Variants in ME2 observed in about 807,000 individuals in gnomAD.
ME2 encodes NAD-dependent malic enzyme, mitochondrial.
In ME2, 60 loss-of-function variants were observed where a neutral mutation model predicts 73.7. The observed-to-expected ratio is 0.81, with a 90% CI of 0.66 to 1.01. The LOEUF is 1.01. ME2 is among the 50% of genes least tolerant of loss of function. The probability of loss-of-function intolerance (pLI) is 0.00; values close to 1 mark genes in which losing one functional copy is unlikely to be tolerated. For synonymous variants in ME2, 199 were observed against 236.9 expected, an observed-to-expected ratio of 0.84 and a Z score of 1.47; for missense variants, 594 against 705.5, an observed-to-expected ratio of 0.84 and a Z score of 1.79.
intron 1 of ME2, among the ~76,000 whole-genome samples, chr18:50,888,664 C>G (rs532672761): frequency 1.3e-5 from 2 of 151,894 alleles, no homozygotes; most frequent in African/African-American, 4.8e-5. Flanking sequence ...GTGTGTACAT[C>G]TAATTAGAAT....
intron 1 of ME2, among the ~76,000 whole-genome samples, chr18:50,884,208 T>C (rs1408362860): frequency 6.6e-6 from 1 of 152,212 alleles, no homozygotes; most frequent in African/African-American, 2.4e-5. Flanking sequence ...AATAAAATTA[T>C]CTAATAGTTT....
chr18:50,911,063 C>G (rs1403529560), intron 3 of ME2, among the ~76,000 whole-genome samples: 1 of 152,124 alleles, frequency 6.6e-6, no homozygotes, highest in African/African-American at 2.4e-5. Flanking sequence ...GAGTGCTGCC[C>G]ATCACTGAGG....
chr18:50,891,117 G>A (rs1045440212), intron 1 of ME2, among the ~76,000 whole-genome samples: 5 of 152,188 alleles, frequency 3.3e-5, no homozygotes, highest in Non-Finnish European at 7.3e-5. Flanking sequence ...CTTAAAATAC[G>A]TAGAAGAAAC....
intron 1 of ME2, among the ~76,000 whole-genome samples, chr18:50,882,468 A>G (rs968532491): frequency 2.0e-5 from 3 of 152,206 alleles, no homozygotes; most frequent in African/African-American, 7.2e-5. Flanking sequence ...CAACATTACT[A>G]CACAGAATTC....
At chr18:50,940,688 C>T (rs1917927715) in intron 15 of ME2, among the ~76,000 whole-genome samples, 1 of 152,072 alleles carries the variant, frequency 6.6e-6, no homozygotes, top group African/African-American at 2.4e-5. Context: ...TGGTCTCTAA[C>T]CCCTTGGCCT....
intron 11 of ME2, among the ~76,000 whole-genome samples, chr18:50,925,340 G>A (rs540626978): frequency 1.8e-4 from 27 of 152,172 alleles, no homozygotes; most frequent in African/African-American, 5.1e-4. Context: ...TTAGCCGGGC[G>A]TGGTGGCACA....
intron 13 of ME2, among the ~76,000 whole-genome samples, chr18:50,938,021 C>T (rs1035921072): frequency 1.3e-4 from 20 of 152,056 alleles, no homozygotes; most frequent in Admixed American, 5.2e-4. Flanking sequence ...AAATTGTAGA[C>T]CGTTAGGTAT....
At chr18:50,937,390 A>G (rs547187245) in intron 13 of ME2, among the ~76,000 whole-genome samples, 1 of 152,316 alleles carries the variant, frequency 6.6e-6, no homozygotes, top group Admixed American at 6.5e-5. Context: ...GAAAATAGGA[A>G]GTTTAAAAGC....
chr18:50,887,084 A>T (rs1215065426), intron 1 of ME2, among the ~76,000 whole-genome samples: 1 of 152,238 alleles, frequency 6.6e-6, no homozygotes, highest in Non-Finnish European at 1.5e-5. Context: ...AAGTAAGAAT[A>T]TGAGAGCAAT....
intron 15 of ME2, among the ~76,000 whole-genome samples, chr18:50,946,734 A>G (rs1374877143): frequency 2.0e-5 from 3 of 152,196 alleles, no homozygotes; most frequent in Non-Finnish European, 4.4e-5. Context: ...CCCTCTAGAA[A>G]GGCCACTCTT....
intron 1 of ME2, among the ~76,000 whole-genome samples, chr18:50,879,587 TG>T (rs1159490059): frequency 6.6e-6 from 1 of 152,212 alleles, no homozygotes; most frequent in Non-Finnish European, 1.5e-5. Flanking sequence ...GGCTGGTGCC[TG>T]GGCGCCCCGC....
chr18:50,947,087 T>C lies in ME2; in HGVS notation c.1658T>C (p.Val553Ala). Residue 553 changes from valine to alanine, a missense_variant, in exon 16 of 16, where the codon GTT becomes GCT. Transcript: ENST00000321341. ...YPEPEDKAKY[V>A]KERTWRSEYD... ...GAACCTGAAGACAAGGCCAAATATGTTAAAGAAAGAACATGGCGGAGTGAA... is the reference window on the plus strand; with the variant it reads ...GAACCTGAAGACAAGGCCAAATATGCTAAAGAAAGAACATGGCGGAGTGAA... 2 of 1,614,032 alleles carry C rather than the reference T, an allele frequency of 1.2e-6. No homozygotes were observed. The highest frequency in any genetic ancestry group is 1.7e-6 in the Non-Finnish European group (2 of 1,179,964).
intron 13 of ME2, chr18:50,934,506 G>C (rs1294798334): frequency 6.6e-6 from 1 of 151,938 alleles, no homozygotes; most frequent in Non-Finnish European, 1.5e-5. Context: ...AAATTAACCA[G>C]GTGTAGTGGT....
At chr18:50,901,197 C>A (rs1916881282) in intron 2 of ME2, among the ~76,000 whole-genome samples, 2 of 152,154 alleles carry the variant, frequency 1.3e-5, no homozygotes, top group South Asian at 4.1e-4. Context: ...CTACATAGCG[C>A]CTATCCGTAT....
chr18:50,909,450 T>G (rs1917095157), intron 3 of ME2, among the ~76,000 whole-genome samples: 2 of 152,144 alleles, frequency 1.3e-5, no homozygotes, highest in Non-Finnish European at 2.9e-5. Context: ...GGGAATCAGA[T>G]AAAAGCTTCC....
At chr18:50,925,035 T>C (rs536627525) in intron 11 of ME2, among the ~76,000 whole-genome samples, 1 of 152,184 alleles carries the variant, frequency 6.6e-6, no homozygotes, top group African/African-American at 2.4e-5. Context: ...ACTTTTTGTC[T>C]CTATGAATTT....
At chr18:50,913,052 C>G in intron 4 of ME2, 102 bp downstream of exon 4, 3 of 1,043,192 alleles carry the variant, frequency 2.9e-6, no homozygotes, top group Non-Finnish European at 4.1e-6. Context: ...TTAGCCAAAT[C>G]ACATTTCCCA....
At chr18:50,927,281 A>G (rs1323518459) in intron 12 of ME2, among the ~76,000 whole-genome samples, 3 of 152,192 alleles carry the variant, frequency 2.0e-5, no homozygotes, top group African/African-American at 7.2e-5. Flanking sequence ...TAATTGCTAG[A>G]CTACATCCTT....
intron 15 of ME2, among the ~76,000 whole-genome samples, chr18:50,944,647 C>G (rs908651744): frequency 1.3e-5 from 2 of 152,128 alleles, no homozygotes; most frequent in Non-Finnish European, 2.9e-5. Context: ...TGTGAGCCCC[C>G]CTTATGTCTA....
Sources: gnomAD v4.1 joint callset for allele counts (sites outside exome capture counted in the v4.1 genomes callset) on GRCh38, gnomAD v4.1.1 for gene constraint, MANE v1.5 for transcripts, NCBI Gene and HGNC (gene_info 2026-07-23, HGNC 2026-07-21) for gene names.